The following ROBO2 variants were observed in gnomAD, a reference collection of about 807,000 sequenced individuals.
ROBO2 encodes roundabout homolog 2.
ROBO2 carries 53 observed loss-of-function variants against 160.8 expected under a neutral mutation model. The observed-to-expected ratio is 0.33, with a 90% CI of 0.26 to 0.41. ROBO2 has a LOEUF of 0.41. ROBO2 is among the 10% of genes least tolerant of loss of function. The pLI is 1.00. For missense variants in ROBO2, 1,577 were observed against 1,722.4 expected (o/e 0.92, Z 1.49); for synonymous variants, 664 against 611.7 (o/e 1.09, Z -1.26).
Position 77,505,859 on chromosome 3 carries a change from A to G in ROBO2, c.806+12477A>G, listed in dbSNP as rs935015760. On this transcript the variant is annotated intron_variant, in intron 5 of 25. Transcript: ENST00000461745. ...TCCAAATCCAAAGCCCACTTTCTTGACTACTATATACAGTAATTTATTTCT... is the reference window on the plus strand; with the variant it reads ...TCCAAATCCAAAGCCCACTTTCTTGGCTACTATATACAGTAATTTATTTCT... Among the ~76,000 whole-genome samples the G allele has an allele frequency of 2.6e-5, 4 of 152,200 alleles. No individual in the cohort carries two copies. The South Asian group carries it at 6.2e-4, about 24-fold the overall frequency.
intron 2 of ROBO2, among the ~76,000 whole-genome samples, chr3:76,778,778 A>C (rs1380524537): frequency 6.6e-6 from 1 of 151,126 alleles, no homozygotes; most frequent in East Asian, 2.0e-4. Flanking sequence ...ATCACAGTTC[A>C]ATTCCCATCA....
At position 77,342,944 on chromosome 3, in the gene ROBO2, G is replaced by A. The variant is rs1299155009; in HGVS notation, c.389-134470G>A. ...CTATTTCCTCACCGTCCTGGAGGCCGCAAGCCTGAGATTGAGGTACAGGCA... is the reference window on the plus strand; with the variant it reads ...CTATTTCCTCACCGTCCTGGAGGCCACAAGCCTGAGATTGAGGTACAGGCA... On this transcript the variant is annotated intron_variant, in intron 2 of 25. Transcript: ENST00000461745. Among the ~76,000 whole-genome samples the A allele has an allele frequency of 7.2e-5, 11 of 152,278 alleles. No homozygotes were observed. In the East Asian group the frequency reaches 9.7e-4, roughly 13 times the overall value.
At chr3:77,499,619 A>ACAATATTATTT (rs1432346003) in intron 5 of ROBO2, among the ~76,000 whole-genome samples, 73 of 151,960 alleles carry the variant, frequency 4.8e-4, no homozygotes, top group African/African-American at 1.4e-3. Flanking sequence ...AGAAACATAT[A>ACAATATTATTT]CAATATTATT....
chr3:76,149,712 A>T (rs1430504280), intron 2 of ROBO2, among the ~76,000 whole-genome samples: 1 of 120,922 alleles, frequency 8.3e-6, no homozygotes, highest in Non-Finnish European at 1.9e-5. Flanking sequence ...TTAAAGCACA[A>T]TCTGTCTAAA....
rs2151256678 is a variant in ROBO2, at chr3:77,227,819, TGTCAAGTCAGTC to T, written c.388+129480_388+129491del. On this transcript the variant is annotated intron_variant, in intron 2 of 25. Coordinates refer to ENST00000461745, the Ensembl canonical transcript of ROBO2. ...TCAACTGCCTTACTCTGTCATTGACTGTCAAGTCAGTCAAAATAGTGAAACTAGTTTTCGCAT... is the reference window on the plus strand; with the variant it reads ...TCAACTGCCTTACTCTGTCATTGACTAAAATAGTGAAACTAGTTTTCGCAT... Among the ~76,000 whole-genome samples, 6 of 152,366 alleles carry T rather than the reference TGTCAAGTCAGTC, an allele frequency of 3.9e-5. No individual in the cohort carries two copies. The South Asian group carries it at 1.2e-3, about 32-fold the overall frequency.
rs115103671 is a variant in ROBO2 at position 77,257,284 on chromosome 3, G to A, written c.388+158944G>A. Among the ~76,000 whole-genome samples the A allele has an allele frequency of 4.8e-3, 724 of 152,300 alleles. 7 individuals carry two copies. Among genetic ancestry groups the A allele is most frequent in the African/African-American group, 0.017 (692 of 41,556 alleles). ...TCCAGCAAACAAGATATAGCCCAGT[G>A]GTTGTAAGCAAGTACAGCACAAGGC... On this transcript the variant is annotated intron_variant, in intron 2 of 25. Coordinates refer to ENST00000461745, the Ensembl canonical transcript of ROBO2.
chr3:77,023,022 C>G (rs1407910948), intron 2 of ROBO2, among the ~76,000 whole-genome samples: 2 of 152,080 alleles, frequency 1.3e-5, no homozygotes, highest in Non-Finnish European at 2.9e-5. Context: ...CTCTAGGAAT[C>G]TCATATATAC....
At chr3:77,205,154 C>G (rs530541002) in intron 2 of ROBO2, among the ~76,000 whole-genome samples, 7 of 152,142 alleles carry the variant, frequency 4.6e-5, no homozygotes, top group Non-Finnish European at 8.8e-5. Context: ...ACCTTTTCAC[C>G]AGGGCAGAGG....
At chr3:76,237,042 G>T (rs1372206054) in intron 2 of ROBO2, among the ~76,000 whole-genome samples, 1 of 152,008 alleles carries the variant, frequency 6.6e-6, no homozygotes, top group Non-Finnish European at 1.5e-5. Flanking sequence ...GTCTTTTAAG[G>T]TATATGTAGT....
chr3:77,164,662 G>T (rs1225947028), intron 2 of ROBO2, among the ~76,000 whole-genome samples: 1 of 113,128 alleles, frequency 8.8e-6, no homozygotes, highest in Non-Finnish European at 1.9e-5. Context: ...GGAGGGAGGT[G>T]GGGGGGTCAG....
intron 2 of ROBO2, among the ~76,000 whole-genome samples, chr3:77,370,475 G>A (rs1231883229): frequency 1.3e-5 from 2 of 152,086 alleles, no homozygotes; most frequent in African/African-American, 4.8e-5. Context: ...TTCTTTTTCT[G>A]GTGCTGCAGC....
chr3:76,332,838 T>C (rs1169860578), intron 2 of ROBO2, among the ~76,000 whole-genome samples: 1 of 152,244 alleles, frequency 6.6e-6, no homozygotes. Context: ...TCAAAGTAAG[T>C]TATGTAATAG....
intron 5 of ROBO2, among the ~76,000 whole-genome samples, chr3:77,501,116 T>C (rs1417175187): frequency 6.6e-6 from 1 of 152,116 alleles, no homozygotes; most frequent in Non-Finnish European, 1.5e-5. Context: ...AAAGTGTGGT[T>C]GTTAGAGCAT....
At chr3:76,788,278 C>T (rs1476761333) in intron 2 of ROBO2, among the ~76,000 whole-genome samples, 1 of 151,416 alleles carries the variant, frequency 6.6e-6, no homozygotes, top group Non-Finnish European at 1.5e-5. Context: ...CTACTTGACA[C>T]AGCACATACT....
intron 2 of ROBO2, among the ~76,000 whole-genome samples, chr3:77,196,166 G>C (rs946181887): frequency 1.5e-4 from 23 of 152,178 alleles, no homozygotes; most frequent in Admixed American, 1.5e-3. Context: ...GACAGGTAGC[G>C]CGGTGCTCAC....
intron 2 of ROBO2, among the ~76,000 whole-genome samples, chr3:77,123,886 TA>T (rs1289281106): frequency 1.4e-5 from 2 of 138,840 alleles, no homozygotes; most frequent in African/African-American, 2.6e-5. Flanking sequence ...GATACATATA[TA>T]GATACACATA....
Position 76,883,230 on chromosome 3 carries a change from G to T in ROBO2, c.110-214784G>T, listed in dbSNP as rs1173401282. On this transcript the variant is annotated intron_variant, in intron 2 of 26. Transcript: ENST00000487694. ...CTAAAATCCTCATTGGAAAATTCTTGTATATTCTTTTAAAAGTCCACAGCA... is the reference window on the plus strand; with the variant it reads ...CTAAAATCCTCATTGGAAAATTCTTTTATATTCTTTTAAAAGTCCACAGCA... 3.9e-5 allele frequency among the ~76,000 whole-genome samples: 6 copies of T among 152,048 alleles called. No individual in the cohort carries two copies. The East Asian group carries it at 1.2e-3, about 29-fold the overall frequency.
intron 21 of ROBO2, among the ~76,000 whole-genome samples, chr3:77,609,878 T>TA (rs200888625): frequency 0.12 from 17,245 of 149,150 alleles, 1,131 homozygotes; most frequent in Admixed American, 0.16. Flanking sequence ...TAGTATTTGC[T>TA]AAAAAAAGAA....
chr3:77,018,103 A>G (rs1409390983), intron 2 of ROBO2, among the ~76,000 whole-genome samples: 1 of 152,150 alleles, frequency 6.6e-6, no homozygotes, highest in Non-Finnish European at 1.5e-5. Context: ...CAGAAACAAT[A>G]TATTTATATA....
Sources: allele counts gnomAD v4.1 joint callset (sites outside exome capture counted in the v4.1 genomes callset), GRCh38; gene constraint gnomAD v4.1.1; transcripts MANE v1.5; gene names NCBI Gene and HGNC (gene_info 2026-07-23, HGNC 2026-07-21).